WDPCP: variants seen among roughly 807,000 people sequenced by gnomAD.
WDPCP encodes the protein WD repeat-containing and planar cell polarity effector protein fritz homolog.
Under a neutral mutation model 93.1 loss-of-function variants are expected in WDPCP, and 71 were observed. The observed-to-expected ratio is 0.76, with a 90% CI of 0.63 to 0.93. The LOEUF (loss-of-function observed/expected upper bound fraction) is 0.93. Among genes scored for constraint, WDPCP ranks in the 40% least tolerant of loss-of-function variants. WDPCP has a pLI of 0.00. For missense variants in WDPCP, 844 were observed against 887.4 expected, an observed-to-expected ratio of 0.95 and a Z score of 0.62; for synonymous variants, 315 against 315.0, an observed-to-expected ratio of 1.00 and a Z score of 0.00.
chr2:63,414,924 C>T (rs1057400328), intron 9 of WDPCP, among the ~76,000 whole-genome samples: 53 of 152,198 alleles, frequency 3.5e-4, no homozygotes, highest in African/African-American at 1.2e-3. Context: ...CCCCCTTTCC[C>T]CAGCTGCCAA....
At chr2:63,741,309 G>T (rs1350463686) in intron 2 of WDPCP, among the ~76,000 whole-genome samples, 1 of 151,810 alleles carries the variant, frequency 6.6e-6, no homozygotes, top group Non-Finnish European at 1.5e-5. Context: ...GACCTTCTTT[G>T]ATTTATTTTT....
At position 63,732,786 on chromosome 2, in the gene WDPCP, T is replaced by C. The variant is rs530161482; in HGVS notation, n.308+80836A>G. ...AACCAAGATTAAGGGAAAGAAAGAATTGAATTACAGTTTTGAAGAAAAAGC... is the reference window on the plus strand; with the variant it reads ...AACCAAGATTAAGGGAAAGAAAGAACTGAATTACAGTTTTGAAGAAAAAGC... On this transcript the variant is annotated intron_variant and non_coding_transcript_variant, in intron 2 of 4. Coordinates refer to the WDPCP transcript ENST00000467687. Among the ~76,000 whole-genome samples, 13 of 152,250 alleles carry C rather than the reference T, an allele frequency of 8.5e-5. No homozygotes were observed. In the South Asian group the frequency reaches 1.4e-3, roughly 17 times the overall value.
At chr2:63,232,070 A>C (rs1678948255) in intron 14 of WDPCP, among the ~76,000 whole-genome samples, 1 of 152,234 alleles carries the variant, frequency 6.6e-6, no homozygotes, top group Admixed American at 6.5e-5. Context: ...GACAAAAACA[A>C]GCAATGGGGA....
At chr2:63,276,087 A>G (rs1439913355) in intron 13 of WDPCP, among the ~76,000 whole-genome samples, 1 of 152,196 alleles carries the variant, frequency 6.6e-6, no homozygotes, top group Non-Finnish European at 1.5e-5. Context: ...ACCAGCCCAG[A>G]GCCCAGTAGC....
chr2:63,408,453 G>A (rs1694768007), intron 9 of WDPCP, among the ~76,000 whole-genome samples: 1 of 152,240 alleles, frequency 6.6e-6, no homozygotes, highest in East Asian at 1.9e-4. Flanking sequence ...CCCCAAGCAG[G>A]CCATTCCTAA....
chr2:63,163,787 CTTTG>C (rs534063638), intron 15 of WDPCP, among the ~76,000 whole-genome samples: 233 of 151,908 alleles, frequency 1.5e-3, no homozygotes, highest in African/African-American at 5.5e-3. Flanking sequence ...TTGACAATTT[CTTTG>C]TTTTGTAAAC....
In WDPCP at chr2:63,648,443, A is replaced by G. The variant is rs193110007; in HGVS notation, n.488+2216T>C. 4.0e-3 allele frequency among the ~76,000 whole-genome samples: 609 copies of G among 152,338 alleles called. 3 individuals carry two copies. The highest frequency in any genetic ancestry group is 6.1e-3 in the Non-Finnish European group (416 of 68,032). ...ATCCTTTTAAAGTGTATGTCATTCAATGAGTTGGGAAATGTATAGTTGTGT... is the reference window on the plus strand; with the variant it reads ...ATCCTTTTAAAGTGTATGTCATTCAGTGAGTTGGGAAATGTATAGTTGTGT... On this transcript the variant is annotated intron_variant and non_coding_transcript_variant, in intron 3 of 4. Coordinates refer to the WDPCP transcript ENST00000467687.
At chr2:63,210,997 C>G (rs1272358497) in intron 14 of WDPCP, among the ~76,000 whole-genome samples, 1 of 152,224 alleles carries the variant, frequency 6.6e-6, no homozygotes, top group African/African-American at 2.4e-5. Context: ...CTCAAGGAGG[C>G]CTGCCTGCCT....
rs765005293 is a variant in WDPCP, at chr2:63,606,881, T to C, written n.488+43778A>G. On this transcript the variant is annotated intron_variant and non_coding_transcript_variant, in intron 3 of 4. Transcript: ENST00000467687. ...AAACAGAATAAGACCTGGAAGTTTG[T>C]TGAAGGTCTCCCTATTAATGATTTC... is the stretch of plus-strand genomic sequence containing the variant. 3 of 1,611,494 alleles carry C rather than the reference T, an allele frequency of 1.9e-6. No homozygotes were observed. In the East Asian group the frequency reaches 6.7e-5, roughly 36 times the overall value.
chr2:63,379,795 T>C (rs984992050), intron 11 of WDPCP, among the ~76,000 whole-genome samples: 2 of 152,128 alleles, frequency 1.3e-5, no homozygotes, highest in Non-Finnish European at 2.9e-5. Flanking sequence ...TTTGTTAGAT[T>C]CAGATAGAAT....
intron 6 of WDPCP, among the ~76,000 whole-genome samples, chr2:63,445,387 C>T (rs995684434): frequency 6.6e-6 from 1 of 152,178 alleles, no homozygotes; most frequent in Non-Finnish European, 1.5e-5. Context: ...TACAACGTAC[C>T]TAGAAATCTG....
At chr2:63,605,879 G>C (rs1709517254) in intron 3 of WDPCP, 1 of 1,356,760 alleles carries the variant, frequency 7.4e-7, no homozygotes, top group South Asian at 1.2e-5. Flanking sequence ...AATTTTATTA[G>C]TTCATGTGTC....
intron 2 of WDPCP, among the ~76,000 whole-genome samples, chr2:63,704,504 T>G (rs1029103487): frequency 2.0e-4 from 30 of 152,354 alleles, no homozygotes; most frequent in African/African-American, 7.0e-4. Context: ...GTTTTTAGCA[T>G]GAAGGGTTGT....
chr2:63,779,466 A>G (rs1239903180), intron 2 of WDPCP, among the ~76,000 whole-genome samples: 14 of 152,168 alleles, frequency 9.2e-5, no homozygotes, highest in Admixed American at 9.2e-4. Context: ...GAAGAGCCAA[A>G]ATAAAATTTC....
At chr2:63,566,136 G>C (rs1707033842) in intron 1 of WDPCP, among the ~76,000 whole-genome samples, 1 of 152,070 alleles carries the variant, frequency 6.6e-6, no homozygotes. Flanking sequence ...GTACCACTCT[G>C]ATCTGTTTTT....
intron 13 of WDPCP, among the ~76,000 whole-genome samples, chr2:63,291,183 G>A (rs771443811): frequency 1.7e-4 from 20 of 117,222 alleles, no homozygotes; most frequent in Non-Finnish European, 3.0e-4. Context: ...CTTACTTCTA[G>A]AATTTCTATT....
intron 1 of WDPCP, among the ~76,000 whole-genome samples, chr2:63,562,473 G>T (rs1706701395): frequency 6.6e-6 from 1 of 152,084 alleles, no homozygotes; most frequent in Admixed American, 6.5e-5. Flanking sequence ...GCACACATTT[G>T]TAACAAAGCT....
intron 3 of WDPCP, among the ~76,000 whole-genome samples, chr2:63,607,700 G>A (rs898593866): frequency 8.6e-5 from 13 of 151,382 alleles, no homozygotes; most frequent in Admixed American, 8.6e-4. Context: ...CGTGGTGGCG[G>A]GCACCTGTAG....
chr2:63,500,642 A>T (rs1701493444), intron 1 of WDPCP, among the ~76,000 whole-genome samples: 1 of 152,204 alleles, frequency 6.6e-6, no homozygotes, highest in South Asian at 2.1e-4. Context: ...TAAGCCAAAA[A>T]TGCCTTCATT....
Sources: gnomAD v4.1 joint callset for allele counts (sites outside exome capture counted in the v4.1 genomes callset) on GRCh38, gnomAD v4.1.1 for gene constraint, MANE v1.5 for transcripts, NCBI Gene and HGNC (gene_info 2026-07-23, HGNC 2026-07-21) for gene names.